Variants in NBPF12 observed in about 807,000 individuals in gnomAD.
The protein encoded by NBPF12 is NBPF member 12, also known as NBPF family member NBPF12.
NBPF12 carries 115 observed loss-of-function variants against 146.4 expected under a neutral mutation model. The observed-to-expected ratio is 0.79, with a 90% CI of 0.68 to 0.92. The LOEUF is 0.92. NBPF12 is among the 40% of genes least tolerant of loss of function. The pLI is 0.00. For missense variants in NBPF12, 1,205 were observed against 1,326.8 expected, an observed-to-expected ratio of 0.91 and a Z score of 1.43; for synonymous variants, 385 against 508.9, an observed-to-expected ratio of 0.76 and a Z score of 3.28.
intron 7 of NBPF12, 105 bp from the exon 11 acceptor site, chr1:146,964,788 G>T: frequency 2.5e-6 from 4 of 1,586,082 alleles, no homozygotes; most frequent in South Asian, 1.1e-5. Context: ...TTTGCTTTCT[G>T]GGACCACTCT....
upstream of NBPF12, among the ~76,000 whole-genome samples, chr1:146,944,967 CCTCCCTCCCTCCCTGCCTTCCT>C (rs1654967232): frequency 1.6e-5 from 1 of 63,768 alleles, no homozygotes; most frequent in African/African-American, 7.9e-5. Context: ...TCCCTCCCTT[CCTCCCTCCCTCCCTGCCTTCCT>C]TCCTCCCTCC....
chr1:146,954,817 CCAGAAATAGATACTCA>C (rs1655493487), intron 2 of NBPF12, among the ~76,000 whole-genome samples: 1 of 146,634 alleles, frequency 6.8e-6, no homozygotes, highest in Admixed American at 6.8e-5. Context: ...AAGAGAGAAT[CCAGAAATAGATACTCA>C]CATGTATGTC....
chr1:146,995,298 C>A (rs1353770100), exon 34 of NBPF12: 1 of 128,446 alleles, frequency 7.8e-6, no homozygotes, highest in African/African-American at 3.2e-5. Flanking sequence ...AGAATATGAG[C>A]AATGCCATGT....
chr1:146,985,197 C>A (rs878950862), intron 22 of NBPF12, among the ~76,000 whole-genome samples: 7,140 of 99,382 alleles, frequency 0.072, 9 homozygotes, highest in African/African-American at 0.16. Flanking sequence ...GTCTCAGGCC[C>A]TGCCTGTGGC....
rs878971787 is a variant in NBPF12 at position 146,981,277 on chromosome 1, T to TAA, written c.2451-1634_2451-1633dup. Among the ~76,000 whole-genome samples, 271 of 101,280 alleles carry TAA rather than the reference T, an allele frequency of 2.7e-3. 8 individuals are homozygous for TAA. Among genetic ancestry groups the TAA allele is most frequent in the South Asian group, 9.4e-3 (31 of 3,294 alleles). 66.4% of individuals were successfully genotyped at this position (101,280 alleles called of 152,430 possible). A position where few individuals can be genotyped will look rare whatever the true frequency, so the allele number is the denominator to read the frequency against. On this transcript the variant is annotated intron_variant, in intron 19 of 33. Transcript: ENST00000617844. ...ACATGTACCCTAAGACTTAAAGTATTAAAAAAAAAAAAAAAAAATATATAT... is the reference window on the plus strand; with the variant it reads ...ACATGTACCCTAAGACTTAAAGTATTAAAAAAAAAAAAAAAAAAAATATATAT...
intron 1 of NBPF12, among the ~76,000 whole-genome samples, chr1:146,939,735 G>A: frequency 6.6e-6 from 1 of 152,008 alleles, no homozygotes; most frequent in Non-Finnish European, 1.5e-5. Context: ...TTCGAAAGAA[G>A]CACTTTAAGA....
At chr1:146,958,307 G>A (rs1461537212) in intron 2 of NBPF12, among the ~76,000 whole-genome samples, 3 of 132,204 alleles carry the variant, frequency 2.3e-5, no homozygotes, top group Non-Finnish European at 5.0e-5. Flanking sequence ...AGACTTTTAA[G>A]TAAAACGATT....
chr1:146,981,097 AG>A (rs1241696764), intron 19 of NBPF12, among the ~76,000 whole-genome samples: 1 of 131,542 alleles, frequency 7.6e-6, no homozygotes, highest in Non-Finnish European at 1.6e-5. Flanking sequence ...ACAAGGACAC[AG>A]GAAGGGGAAC....
chr1:146,967,914 G>A (rs1179869606), intron 9 of NBPF12, among the ~76,000 whole-genome samples: 8 of 144,334 alleles, frequency 5.5e-5, no homozygotes, highest in Non-Finnish European at 1.2e-4. Flanking sequence ...ATGGCCTTAT[G>A]GTGTTATGTG....
At chr1:146,966,646 T>A (rs1656231759) in exon 9 of NBPF12, 1 of 1,482,210 alleles carries the variant, frequency 6.7e-7, no homozygotes, top group African/African-American at 1.4e-5. Flanking sequence ...ACTGGCCGGC[T>A]TCCTGGCCAA....
chr1:146,969,842 A>C (rs1472353792), intron 11 of NBPF12, among the ~76,000 whole-genome samples: 4,575 of 150,960 alleles, frequency 0.03, 354 homozygotes, highest in African/African-American at 0.11. Context: ...GGCAGCATCT[A>C]TCTAGTTTTA....
upstream of NBPF12, among the ~76,000 whole-genome samples, chr1:146,946,808 T>TAA (rs1655096900): frequency 6.6e-6 from 1 of 151,832 alleles, no homozygotes; most frequent in African/African-American, 2.4e-5. Context: ...CTAGGATTCT[T>TAA]ATGGTTTTGC....
chr1:146,953,952 T>A (rs1655438910), intron 2 of NBPF12, among the ~76,000 whole-genome samples: 1 of 150,916 alleles, frequency 6.6e-6, no homozygotes, highest in Non-Finnish European at 1.5e-5. Context: ...CCAGAACTAA[T>A]CAGTGAGTTT....
intron 7 of NBPF12, 61 bp downstream of exon 10, chr1:146,964,490 A>G: frequency 6.3e-7 from 1 of 1,590,748 alleles, no homozygotes; most frequent in Non-Finnish European, 8.6e-7. Flanking sequence ...TCTAGAAGGC[A>G]CACCCTCTCT....
At chr1:146,972,676 T>A in intron 13 of NBPF12, 75 bp from the exon 17 acceptor site, 3 of 1,189,464 alleles carry the variant, frequency 2.5e-6, no homozygotes, top group Non-Finnish European at 3.8e-6. Context: ...ACCAGTGACA[T>A]CCCTCAGTCC....
At chr1:146,970,614 G>T in intron 11 of NBPF12, 33 bp from the exon 15 acceptor site, 1 of 1,568,138 alleles carries the variant, frequency 6.4e-7, no homozygotes, top group Non-Finnish European at 8.8e-7. Context: ...ATGTGAAGTG[G>T]AAAATATCTG....
intron 19 of NBPF12, among the ~76,000 whole-genome samples, chr1:146,982,332 G>T (rs1369325910): frequency 6.8e-6 from 1 of 147,722 alleles, no homozygotes; most frequent in Non-Finnish European, 1.5e-5. Context: ...AGGTCTGTTG[G>T]AGTTTGCTGG....
intron 29 of NBPF12, 93 bp from the exon 33 acceptor site, chr1:146,991,020 A>C (rs1450468904): frequency 5.2e-6 from 3 of 573,434 alleles, no homozygotes; most frequent in Non-Finnish European, 9.1e-6. Context: ...TTTTCTTTTT[A>C]AACAGTTCCT....
upstream of NBPF12, among the ~76,000 whole-genome samples, chr1:146,944,621 G>T: frequency 6.6e-6 from 1 of 151,714 alleles, no homozygotes; most frequent in East Asian, 1.9e-4. Context: ...CGGGCCAGAG[G>T]AATAATGTGT....
Sources: gnomAD v4.1 joint callset for allele counts (sites outside exome capture counted in the v4.1 genomes callset) on GRCh38, gnomAD v4.1.1 for gene constraint, MANE v1.5 for transcripts, NCBI Gene and HGNC (gene_info 2026-07-23, HGNC 2026-07-21) for gene names.